Variants in PRTG observed in about 807,000 individuals in gnomAD.
PRTG encodes the protein immunoglobulin superfamily, DCC subclass, member 5.
In PRTG, 67 loss-of-function variants were observed where a neutral mutation model predicts 122.5. That is an observed-to-expected ratio of 0.55 (90% confidence interval 0.45 to 0.67). The LOEUF (loss-of-function observed/expected upper bound fraction) is 0.67, where lower values mean the gene tolerates loss of function less well. Among genes scored for constraint, PRTG ranks in the 30% least tolerant of loss-of-function variants. PRTG has a pLI of 0.00. For missense variants in PRTG, 1,435 were observed against 1,415.4 expected (o/e 1.01, Z -0.22); for synonymous variants, 554 against 501.1 (o/e 1.11, Z -1.41).
At chr15:55,673,719 C>T (rs187589950) in intron 9 of PRTG, 43 bp from the exon 10 acceptor site, 25 of 1,479,636 alleles carry the variant, frequency 1.7e-5, no homozygotes, top group Admixed American at 1.4e-4. Flanking sequence ...TATTTAGAAT[C>T]GAATTGCCAC....
chr15:55,716,148 G>A (rs764212609), intron 2 of PRTG, among the ~76,000 whole-genome samples: 22 of 152,176 alleles, frequency 1.4e-4, no homozygotes, highest in Non-Finnish European at 2.9e-4. Context: ...CGGGAGAATC[G>A]CTTGAACCCT....
chr15:55,742,961 G>T lies in PRTG; in HGVS notation c.-30C>A. 1.4e-6 allele frequency: 2 copies of T among 1,467,664 alleles called. No homozygotes were observed. Among genetic ancestry groups the T allele is most frequent in the Non-Finnish European group, 1.8e-6 (2 of 1,111,098 alleles). 90.9% of individuals were successfully genotyped at this position (1,467,664 alleles called of 1,614,324 possible). A position where few individuals can be genotyped will look rare whatever the true frequency, so the allele number is the denominator to read the frequency against. On this transcript the variant is annotated 5_prime_UTR_variant, in exon 1 of 20. Coordinates refer to ENST00000389286, the MANE Select transcript of PRTG (RefSeq NM_173814.6). The stretch of plus-strand genomic sequence containing the variant: ...CGTAGCCGCGCGGGCATGCTCCCCG[G>T]CCGCCCAGAGCCCCTGTCCGTCTGC...
At position 55,742,862 on chromosome 15, in the gene PRTG, G is replaced by A. The variant is rs762479325; in HGVS notation, c.70C>T (p.Leu24=). ...CCTGGCAAAGGACTGAGCAGCAGCA[G>A]GAGCAGGAGCGCGCGGAGCAGCATC... ...PGMLLRALLL[L]LLLSPLPGVW... is the part of the protein sequence containing the mutation. The change falls in exon 1 of 20, where the codon CTG becomes TTG. Residue 24 remains leucine, a synonymous_variant. Transcript: ENST00000389286. 1.4e-5 allele frequency: 22 copies of A among 1,537,680 alleles called. No individual in the cohort carries two copies. The highest frequency in any genetic ancestry group is 2.1e-4 in the Middle Eastern group (1 of 4,808).
chr15:55,625,958 GC>G (rs1209087395), intron 17 of PRTG, among the ~76,000 whole-genome samples: 4 of 152,006 alleles, frequency 2.6e-5, no homozygotes. Context: ...TCACTATGTT[GC>G]TTAGGCTGGT....
In PRTG at chr15:55,620,301, C is replaced by G. The variant is rs377323875; in HGVS notation, c.3199-35G>C. The stretch of plus-strand genomic sequence containing the variant: ...AAAAGATAAGATGGCAATGAGATAC[C>G]AGACTGATCGAATCCACGAGCAAAA... On this transcript the variant is annotated intron_variant, in intron 19 of 19. Coordinates refer to ENST00000389286, the MANE Select transcript of PRTG (RefSeq NM_173814.6). 13 of 1,603,398 alleles carry G rather than the reference C, an allele frequency of 8.1e-6. No homozygotes were observed. In the African/African-American group the frequency reaches 1.6e-4, roughly 20 times the overall value.
chr15:55,678,222 T>C (rs932107718), intron 7 of PRTG, among the ~76,000 whole-genome samples, 178 bp from the exon 8 acceptor site: 3 of 152,166 alleles, frequency 2.0e-5, no homozygotes, highest in African/African-American at 7.2e-5. Context: ...GGTGTGTTTT[T>C]GTTTTTGTCG....
chr15:55,689,793 C>T (rs571275843), intron 2 of PRTG, among the ~76,000 whole-genome samples: 8 of 151,792 alleles, frequency 5.3e-5, no homozygotes, highest in South Asian at 2.1e-4. Context: ...CCAGGCATGG[C>T]GGCGTGCACC....
intron 11 of PRTG, among the ~76,000 whole-genome samples, chr15:55,646,939 C>A (rs990893685): frequency 9.2e-5 from 14 of 152,098 alleles, no homozygotes; most frequent in Non-Finnish European, 1.6e-4. Flanking sequence ...ACTGGTCTAA[C>A]CCTCCTTCCA....
chr15:55,693,032 T>G (rs552483060), intron 2 of PRTG, among the ~76,000 whole-genome samples: 7 of 151,672 alleles, frequency 4.6e-5, no homozygotes, highest in African/African-American at 1.7e-4. Flanking sequence ...GTATTTTCAG[T>G]AGAGACGGGG....
chr15:55,620,619 T>G (rs2059160810), intron 19 of PRTG, 44 bp downstream of exon 19: 1 of 1,552,220 alleles, frequency 6.4e-7, no homozygotes, highest in Non-Finnish European at 8.7e-7. Flanking sequence ...CATCATTTCA[T>G]ATATCACGCA....
intron 2 of PRTG, among the ~76,000 whole-genome samples, chr15:55,720,821 A>G (rs1365594513): frequency 6.6e-6 from 1 of 152,170 alleles, no homozygotes; most frequent in African/African-American, 2.4e-5. Flanking sequence ...AAAATCTCAT[A>G]ATGTTTTAAG....
At chr15:55,671,417 T>C (rs1193175803) in intron 11 of PRTG, among the ~76,000 whole-genome samples, 4 of 152,378 alleles carry the variant, frequency 2.6e-5, no homozygotes, top group South Asian at 2.1e-4. Flanking sequence ...AATCTACTTA[T>C]GAGCAACAAA....
At chr15:55,620,326 A>G in intron 19 of PRTG, 60 bp from the exon 20 acceptor site, 1 of 1,582,944 alleles carries the variant, frequency 6.3e-7, no homozygotes, top group Non-Finnish European at 8.6e-7. Context: ...CACGAGCAAA[A>G]GCTCATCAGG....
chr15:55,645,693 C>T (rs1005095554), intron 11 of PRTG, among the ~76,000 whole-genome samples: 61 of 152,068 alleles, frequency 4.0e-4, no homozygotes, highest in Admixed American at 3.2e-3. Context: ...GACCCTCCAA[C>T]GCCTATGGGA....
intron 2 of PRTG, among the ~76,000 whole-genome samples, chr15:55,692,374 G>A (rs945439198): frequency 2.6e-5 from 4 of 152,198 alleles, no homozygotes; most frequent in Non-Finnish European, 5.9e-5. Flanking sequence ...GCGCACAAAA[G>A]AGACACTGTA....
In PRTG at chr15:55,714,205, G is replaced by GTCTCTCTCTCTCTCTC. The variant is rs3049129; in HGVS notation, c.397+26161_397+26176dup. Among the ~76,000 whole-genome samples the GTCTCTCTCTCTCTCTC allele has an allele frequency of 6.1e-3, 865 of 142,732 alleles. 13 individuals are homozygous for GTCTCTCTCTCTCTCTC. Among genetic ancestry groups the GTCTCTCTCTCTCTCTC allele is most frequent in the East Asian group, 0.022 (104 of 4,814 alleles). 93.6% of individuals were successfully genotyped at this position (142,732 alleles called of 152,430 possible). A position where few individuals can be genotyped will look rare whatever the true frequency, so the allele number is the denominator to read the frequency against. On this transcript the variant is annotated intron_variant, in intron 2 of 19. Transcript: ENST00000389286. ...TTATTTTCTTTCTATCTATTTATCT[G>GTCTCTCTCTCTCTCTC]TCTCTCTCTCTCTCTCTCTCTCTCT... is the stretch of plus-strand genomic sequence containing the variant.
intron 2 of PRTG, among the ~76,000 whole-genome samples, chr15:55,729,220 A>G (rs2031145842): frequency 6.6e-6 from 1 of 152,240 alleles, no homozygotes; most frequent in Admixed American, 6.5e-5. Flanking sequence ...TACACGCCAC[A>G]ACGTGGATAA....
chr15:55,721,971 T>C (rs2030843062), intron 2 of PRTG, among the ~76,000 whole-genome samples: 1 of 152,120 alleles, frequency 6.6e-6, no homozygotes, highest in Non-Finnish European at 1.5e-5. Context: ...CAATTCAAGA[T>C]GAGATTTGGG....
chr15:55,686,745 T>C (rs2059572742), intron 2 of PRTG, among the ~76,000 whole-genome samples: 1 of 152,220 alleles, frequency 6.6e-6, no homozygotes. Context: ...GATGTTTCAC[T>C]AACACTGAGC....
Sources: gnomAD v4.1 joint callset for allele counts (sites outside exome capture counted in the v4.1 genomes callset) on GRCh38, gnomAD v4.1.1 for gene constraint, MANE v1.5 for transcripts, NCBI Gene and HGNC (gene_info 2026-07-23, HGNC 2026-07-21) for gene names.